CCDC78: variants seen among roughly 807,000 people sequenced by gnomAD.
CCDC78 encodes the protein coiled-coil domain-containing protein 78.
Under a neutral mutation model 61.9 loss-of-function variants are expected in CCDC78, and 78 were observed. The observed-to-expected ratio is 1.26, with a 90% CI of 1.05 to 1.52. The LOEUF is 1.52. Among genes scored for constraint, CCDC78 ranks in the 40% most tolerant of loss-of-function variants. The pLI is 0.00. For missense variants in CCDC78, 737 were observed against 615.5 expected (o/e 1.20, Z -2.09); for synonymous variants, 287 against 251.9 (o/e 1.14, Z -1.32).
Position 724,484 on chromosome 16 carries a change from G to T in CCDC78, c.791C>A (p.Ala264Glu). ...TGTCCGGAGGGCCGTGGTGGCTGGC[G>T]CTTGGCCTGCACCATCTGCGTGCTC... ...AVEHADGAGQ[A>E]PATTALRTFL... is the part of the protein sequence containing the mutation. Residue 264 changes from alanine to glutamate, a missense_variant, in exon 9 of 14, where the codon GCG becomes GAG. By Grantham distance (107) the Ala-to-Glu change is moderately radical (BLOSUM62 -1). Transcript: ENST00000345165. 1 of 1,599,912 alleles carries T rather than the reference G, an allele frequency of 6.3e-7. No individual in the cohort carries two copies. The highest frequency in any genetic ancestry group is 8.5e-7 in the Non-Finnish European group (1 of 1,179,574).
intron 11 of CCDC78, chr16:723,460 C>T: frequency 1.5e-6 from 1 of 687,358 alleles, no homozygotes; most frequent in South Asian, 1.5e-5. Context: ...CGGGTGTGCC[C>T]TAAACCCCAG....
chr16:724,747 C>A lies in CCDC78; in HGVS notation c.699G>T (p.Gln233His). The change falls in exon 8 of 14, where the codon CAG becomes CAT. Residue 233 changes from glutamine (Q) to histidine (H), a missense_variant. Gln to His is a conservative substitution (Grantham distance 24, BLOSUM62 0). Coordinates refer to ENST00000345165, the MANE Select transcript of CCDC78 (RefSeq NM_001378030.1). ...RQAEAENARLQLQLKKLKDEY... is the reference protein window; with the variant it reads ...RQAEAENARLHLQLKKLKDEY... ...CATCCTTCAGTTTCTTGAGCTGCAG[C>A]TGCAGCCGGGCATTTTCAGCCTCTG... 1 of 1,612,224 alleles carries A rather than the reference C, an allele frequency of 6.2e-7. No individual in the cohort carries two copies. The highest frequency in any genetic ancestry group is 1.3e-5 in the African/African-American group (1 of 75,062).
chr16:726,354 G>T lies in CCDC78; in HGVS notation c.14C>A (p.Ala5Asp). Reference protein sequence around the residue: MEHAATTGPRPGPPS... With the variant: MEHADTTGPRPGPPS... ...AGGTCCAGGCCTGGGGCCTGTGGTGGCTGCGTGCTCCATAGGCTAGGGAAC... is the reference window on the plus strand; with the variant it reads ...AGGTCCAGGCCTGGGGCCTGTGGTGTCTGCGTGCTCCATAGGCTAGGGAAC... The change falls in exon 1 of 14, where the codon GCC becomes GAC. Residue 5 changes from alanine to aspartate, a missense_variant. Coordinates refer to ENST00000345165, the MANE Select transcript of CCDC78 (RefSeq NM_001378030.1). The T allele has an allele frequency of 6.5e-7, 1 of 1,541,708 alleles. No individual in the cohort carries two copies.
At chr16:725,615 C>T in intron 3 of CCDC78, 35 bp from the exon 4 acceptor site, 1 of 1,593,262 alleles carries the variant, frequency 6.3e-7, no homozygotes, top group Non-Finnish European at 8.6e-7. Flanking sequence ...GTGCACCTGC[C>T]CGCGGGCCAC....
Position 723,102 on chromosome 16 carries a change from C to T in CCDC78, c.1193G>A (p.Ser398Asn). 2 of 1,612,750 alleles carry T rather than the reference C, an allele frequency of 1.2e-6. No individual in the cohort carries two copies. The highest frequency in any genetic ancestry group is 1.7e-6 in the Non-Finnish European group (2 of 1,180,004). ...CCAGCCCTTGCCTCCTACCTGGGTG[C>T]TGCGGGAGAAGTCCCGGAGCTTCTG... The part of the protein sequence containing the change: ...IHQKLRDFSR[S>N]TQAELERERA... The change falls in exon 12 of 14, where the codon AGC (serine) becomes AAC (asparagine). Residue 398 changes from serine (S) to asparagine (N), a missense_variant. Ser to Asn is a conservative substitution (Grantham distance 46). Transcript: ENST00000345165.
intron 8 of CCDC78, 76 bp from the exon 9 acceptor site, chr16:724,585 A>G (rs540043699): frequency 6.4e-7 from 1 of 1,555,080 alleles, no homozygotes; most frequent in African/African-American, 1.4e-5. Flanking sequence ...CAGCAGGCTG[A>G]GCAGTGCCGG....
At chr16:723,645 C>T (rs2040488665) in intron 11 of CCDC78, 1 of 699,920 alleles carries the variant, frequency 1.4e-6, no homozygotes, top group Non-Finnish European at 2.6e-6. Flanking sequence ...GCCAGCTCCA[C>T]CTGCAGCAGC....
rs763047897 is a variant in CCDC78, at chr16:723,955, G to A, written c.1054-19C>T. The A allele has an allele frequency of 5.0e-6, 8 of 1,602,536 alleles. No homozygotes were observed. The African/African-American group carries it at 5.4e-5, about 11-fold the overall frequency. On this transcript the variant is annotated intron_variant, in intron 10 of 13. Transcript: ENST00000345165. ...CGCCGTGCTACAGAGGTTTGTGGTGGGGACGTTTCAGTTGGCTGAACAAGG... is the reference window on the plus strand; with the variant it reads ...CGCCGTGCTACAGAGGTTTGTGGTGAGGACGTTTCAGTTGGCTGAACAAGG...
rs918322190 is a variant in CCDC78, at chr16:723,995, G to T, written c.1054-59C>A. ...GCTGAACAAGGCAAGCCCCTCAGAG[G>T]CCCGGGGCTGAGGTCTCTGTTGAGC... On this transcript the variant is annotated intron_variant, in intron 10 of 13. Transcript: ENST00000345165. 7 of 1,583,802 alleles carry T rather than the reference G, an allele frequency of 4.4e-6. No homozygotes were observed. The African/African-American group carries it at 8.1e-5, about 18-fold the overall frequency.
rs377489084 is a variant in CCDC78 at position 724,152 on chromosome 16, G to A, written c.1007C>T (p.Pro336Leu). 2.1e-5 allele frequency: 34 copies of A among 1,605,730 alleles called. No individual in the cohort carries two copies. Among genetic ancestry groups the A allele is most frequent in the Non-Finnish European group, 2.7e-5 (32 of 1,176,236 alleles). ...GTCAGTGACCAGGGGCACGGGCAAT[G>A]GTTCCAGGTCCAAGCTGGCTATGTC... Reference protein sequence around the residue: ...IFDIASLDLEPLPVPLVTDFS... With the variant: ...IFDIASLDLELLPVPLVTDFS... The change falls in exon 10 of 14, where the codon CCA (proline) becomes CTA (leucine). Residue 336 changes from proline (P) to leucine (L), a missense_variant. Pro to Leu is a moderately conservative substitution (Grantham distance 98). Transcript: ENST00000345165.
In CCDC78 at chr16:723,792, G is replaced by A. The variant is rs567996831; in HGVS notation, c.1133+65C>T. The A allele has an allele frequency of 8.8e-6, 13 of 1,469,762 alleles. 1 individual carries two copies. In the East Asian group the frequency reaches 3.0e-4, roughly 34 times the overall value. The allele number at this position is 1,469,762 out of a possible 1,614,324, so 91.0% of individuals were successfully genotyped here. On this transcript the variant is annotated intron_variant, in intron 11 of 13. Transcript: ENST00000345165. ...TTGGTGGAGCAACTGGGGGCCCCAG[G>A]GTGCAGGCGTTGTGCTCTCTGCTCA...
intron 1 of CCDC78, 23 bp downstream of exon 1, chr16:726,285 G>C (rs2040932977): frequency 6.5e-7 from 1 of 1,549,312 alleles, no homozygotes; most frequent in Non-Finnish European, 8.7e-7. Context: ...CATGGCAGGA[G>C]CGGCAAGTCC....
At chr16:726,217 C>G (rs752067532) in intron 1 of CCDC78, 91 bp downstream of exon 1, 2 of 1,550,292 alleles carry the variant, frequency 1.3e-6, no homozygotes, top group East Asian at 4.9e-5. Flanking sequence ...GAAATTAGGC[C>G]CAGGGTGCAG....
In CCDC78 at chr16:726,308, A is replaced by G. The variant is rs73489339; in HGVS notation, c.60T>C (p.Asn20=). The G allele has an allele frequency of 4.8e-4, 742 of 1,548,300 alleles. 6 individuals are homozygous for G. The African/African-American group carries it at 8.8e-3, about 18-fold the overall frequency. Residue 20 remains asparagine (N), a splice_region_variant and synonymous_variant, in exon 1 of 14, where the codon AAT becomes AAC. Transcript: ENST00000345165. ...GAGCGGCAAGTCCCAGAGGACTCAC[A>G]TTCTCCACCCGCCGAGAGGGAGGTC... is the stretch of plus-strand genomic sequence containing the variant. The part of the protein sequence containing the change: ...RPGPPSRRVE[N]VVLRAKDWLP...
Position 725,848 on chromosome 16 carries a change from T to G in CCDC78, c.213A>C (p.Thr71=). 1 of 1,611,644 alleles carries G rather than the reference T, an allele frequency of 6.2e-7. No homozygotes were observed. Among genetic ancestry groups the G allele is most frequent in the Non-Finnish European group, 8.5e-7 (1 of 1,179,126 alleles). ...ISKELVDIQI[T]THHLHEQHEA... Reference sequence around the variant, plus strand: ...CATGCTGCTCATGTAGGTGGTGGGTTGTGATCTGAATGTCGACCAGCTCCT... The same window carrying G: ...CATGCTGCTCATGTAGGTGGTGGGTGGTGATCTGAATGTCGACCAGCTCCT... Residue 71 remains threonine, a synonymous_variant, in exon 3 of 14, where the codon ACA becomes ACC. Coordinates refer to ENST00000345165, the MANE Select transcript of CCDC78 (RefSeq NM_001378030.1).
At chr16:726,524 G>C (rs1018119381), upstream of CCDC78, 1 of 821,506 alleles carries the variant, frequency 1.2e-6, no homozygotes, top group Non-Finnish European at 1.8e-6. Context: ...CGGCCAGACC[G>C]GTGGTTGCTG....
rs1353119618 is a variant in CCDC78, at chr16:724,362, C to T, written c.913G>A (p.Asp305Asn). The T allele has an allele frequency of 3.1e-6, 5 of 1,612,260 alleles. No homozygotes were observed. The highest frequency in any genetic ancestry group is 4.2e-6 in the Non-Finnish European group (5 of 1,179,904). ...AARSYHKRLV[D>N]LSRRHEELLV... The stretch of plus-strand genomic sequence containing the variant: ...AGCTCTTCATGCCTGCGGCTCAGAT[C>T]CACCAGCCTCTTGTGGTAGCTGCGG... Residue 305 changes from aspartate (D) to asparagine (N), a missense_variant, in exon 9 of 14, where the codon GAT (aspartate) becomes AAT (asparagine). Physicochemically the swap from Asp to Asn is conservative, Grantham distance 23. Coordinates refer to ENST00000345165, the MANE Select transcript of CCDC78 (RefSeq NM_001378030.1).
chr16:726,046 C>G lies in CCDC78; in HGVS notation c.100G>C (p.Gly34Arg). Residue 34 changes from glycine (G) to arginine (R), a missense_variant, in exon 2 of 14, where the codon GGG becomes CGG. Physicochemically the swap from Gly to Arg is moderately radical, Grantham distance 125 (BLOSUM62 -2). Coordinates refer to ENST00000345165, the MANE Select transcript of CCDC78 (RefSeq NM_001378030.1). ...CTGGTGGCCCACACTGCGGTGCCCC[C>G]AGGAGCTCCTGGCAGCCAGTCCTTG... ...RAKDWLPGAPGGTAVWATSLE... is the reference protein window; with the variant it reads ...RAKDWLPGAPRGTAVWATSLE... 6.5e-7 allele frequency: 1 copy of G among 1,548,716 alleles called. No homozygotes were observed. The highest frequency in any genetic ancestry group is 8.7e-7 in the Non-Finnish European group (1 of 1,146,740).
In CCDC78 at chr16:725,471, G is replaced by A. The variant is rs759890639; in HGVS notation, c.377C>T (p.Ala126Val). The A allele has an allele frequency of 1.2e-5, 19 of 1,612,652 alleles. No homozygotes were observed. Among genetic ancestry groups the A allele is most frequent in the South Asian group, 2.2e-5 (2 of 91,092 alleles). ...CTGGGCTTTGTGTCTGAGCTCTTGG[G>A]CTGCTGCCCGGGGATGCCTGGGGTC... Reference protein sequence around the residue: ...ESDPRHPRAAAQELRHKAQVP... With the variant: ...ESDPRHPRAAVQELRHKAQVP... Residue 126 changes from alanine (A) to valine (V), a missense_variant, in exon 4 of 14, where the codon GCC (alanine) becomes GTC (valine). By Grantham distance (64) the Ala-to-Val change is moderately conservative. Transcript: ENST00000345165.
Sources: gnomAD v4.1 joint callset for allele counts on GRCh38, gnomAD v4.1.1 for gene constraint, MANE v1.5 for transcripts, NCBI Gene and HGNC (gene_info 2026-07-23, HGNC 2026-07-21) for gene names.